The following A2M variants were observed in gnomAD, a reference collection of about 807,000 sequenced individuals.
The protein encoded by A2M is alpha-2-macroglobulin.
A2M carries 128 observed loss-of-function variants against 183.9 expected under a neutral mutation model. That is an observed-to-expected ratio of 0.70 (90% CI 0.60 to 0.81). The LOEUF (loss-of-function observed/expected upper bound fraction) is 0.81, where lower values mean the gene tolerates loss of function less well. Ranked by LOEUF, A2M falls within the 30% of genes least tolerant of loss-of-function variation. The pLI is 0.00. For synonymous variants in A2M, 592 were observed against 670.8 expected, an observed-to-expected ratio of 0.88 and a Z score of 1.81; for missense variants, 1,495 against 1,787.6, an observed-to-expected ratio of 0.84 and a Z score of 2.95.
At chr12:9,083,398 A>C (rs1339770187) in intron 22 of A2M, among the ~76,000 whole-genome samples, 1 of 151,862 alleles carries the variant, frequency 6.6e-6, no homozygotes, top group East Asian at 1.9e-4. Context: ...AAAAAAAAAG[A>C]AATAGAAACA....
At chr12:9,068,131 G>A (rs991739495) in intron 35 of A2M, 52 bp downstream of exon 35, 7 of 1,592,870 alleles carry the variant, frequency 4.4e-6, no homozygotes, top group African/African-American at 1.4e-5. Context: ...AAGGTTTGGG[G>A]GGCAAGCTGA....
intron 7 of A2M, among the ~76,000 whole-genome samples, chr12:9,107,868 TTCC>T (rs1443117557): frequency 6.6e-6 from 1 of 152,158 alleles, no homozygotes; most frequent in Non-Finnish European, 1.5e-5. Context: ...TTTCTTTTTT[TTCC>T]TCGTTTTTTT....
At chr12:9,069,672 T>C in intron 33 of A2M, 73 bp downstream of exon 33, 1 of 1,183,870 alleles carries the variant, frequency 8.4e-7, no homozygotes, top group Non-Finnish European at 1.2e-6. Context: ...CTAAAATGCA[T>C]TTACCTTCCC....
chr12:9,076,548 G>T (rs1385429215), intron 28 of A2M, among the ~76,000 whole-genome samples: 1 of 152,202 alleles, frequency 6.6e-6, no homozygotes, highest in Non-Finnish European at 1.5e-5. Context: ...TCGTAATTGA[G>T]AAGCATCTGC....
Position 9,072,842 on chromosome 12 carries a change from G to A in A2M, c.3786C>T (p.Ser1262=), listed in dbSNP as rs1592329871. 6.2e-7 allele frequency: 1 copy of A among 1,613,900 alleles called. No homozygotes were observed. Among genetic ancestry groups the A allele is most frequent in the Non-Finnish European group, 8.5e-7 (1 of 1,179,942 alleles). Residue 1262 remains serine, a synonymous_variant, in exon 30 of 36, where the codon TCC becomes TCT. Transcript: ENST00000318602. ...TGGTAAATGTGGCTGCTCCATATTTGGACAGAGCATGGAGAGCCACCACTG... is the reference window on the plus strand; with the variant it reads ...TGGTAAATGTGGCTGCTCCATATTTAGACAGAGCATGGAGAGCCACCACTG... ...QDTVVALHAL[S]KYGAATFTRT... is the part of the protein sequence containing the mutation.
intron 1 of A2M, 191 bp downstream of exon 1, chr12:9,115,573 T>G (rs922247614): frequency 7.4e-6 from 4 of 542,738 alleles, no homozygotes; most frequent in African/African-American, 1.9e-5. Flanking sequence ...ATATTAGAGC[T>G]TCAGAGAGTT....
At position 9,101,133 on chromosome 12, in the gene A2M, G is replaced by A. The variant is rs1407873641; in HGVS notation, c.1558+11C>T. ...ATGGGGCAGCAATGCAGAGATGATG[G>A]AAATACTCACTGTCTTCCTGCTTCA... On this transcript the variant is annotated intron_variant, in intron 13 of 35. Transcript: ENST00000318602. 1 of 1,556,548 alleles carries A rather than the reference G, an allele frequency of 6.4e-7. No individual in the cohort carries two copies. Among genetic ancestry groups the A allele is most frequent in the South Asian group, 1.2e-5 (1 of 84,206 alleles).
At chr12:9,109,137 A>G (rs1484077216) in intron 7 of A2M, among the ~76,000 whole-genome samples, 184 bp downstream of exon 7, 1 of 152,212 alleles carries the variant, frequency 6.6e-6, no homozygotes, top group Non-Finnish European at 1.5e-5. Flanking sequence ...AATACTGATA[A>G]GAACGTGAAA....
chr12:9,110,225 T>C (rs1938620331), intron 5 of A2M, 89 bp downstream of exon 5: 4 of 1,206,260 alleles, frequency 3.3e-6, no homozygotes. Context: ...ATGACAAGTT[T>C]CTGAGATATT....
chr12:9,116,197 C>T (rs371770590), upstream of A2M: 9 of 330,726 alleles, frequency 2.7e-5, no homozygotes, highest in East Asian at 1.5e-4. Context: ...CTCCTCACAA[C>T]GCCTTTTATG....
intron 29 of A2M, among the ~76,000 whole-genome samples, chr12:9,074,059 G>A (rs1440757576): frequency 7.0e-6 from 1 of 143,310 alleles, no homozygotes; most frequent in Non-Finnish European, 1.5e-5. Flanking sequence ...CTGCATTCCA[G>A]CCTAGGTGAC....
Position 9,113,507 on chromosome 12 carries a change from AG to A in A2M, c.122del (p.Thr41MetfsTer11). The A allele has an allele frequency of 6.2e-7, 1 of 1,613,846 alleles. No homozygotes were observed. ...GGACACAGCCCTTCTCAGTGGTCTC[AG>A]TGTGGAGCAGGGAGGGGACCAGAAC... Reference protein sequence around the residue: ...YMVLVPSLLHTETTEKGCVLL... With the variant: ...YMVLVPSLLHXETTEKGCVLL... On this transcript the variant is annotated frameshift_variant, in exon 2 of 36. Transcript: ENST00000318602. LOFTEE classifies it high-confidence loss of function.
rs1949464126 is a variant in A2M at position 9,098,761 on chromosome 12, GA to G, written c.1702-6del. 1.2e-6 allele frequency: 2 copies of G among 1,612,006 alleles called. No homozygotes were observed. The highest frequency in any genetic ancestry group is 1.1e-5 in the South Asian group (1 of 90,196). The stretch of plus-strand genomic sequence containing the variant: ...TGGGCTGAAGCTCAAATCCACCTGT[GA>G]AATTGGAACAAAAGGTCAGAAAAGC... On this transcript the variant is annotated splice_region_variant and splice_polypyrimidine_tract_variant and intron_variant, in intron 14 of 35. Transcript: ENST00000318602.
chr12:9,107,685 G>A (rs765593062), intron 7 of A2M, 41 bp from the exon 8 acceptor site: 6 of 1,603,544 alleles, frequency 3.7e-6, no homozygotes, highest in African/African-American at 1.3e-5. Flanking sequence ...AGCAGACACT[G>A]AACCTCCCCA....
At chr12:9,101,301 C>T in intron 12 of A2M, 94 bp from the exon 13 acceptor site, 6 of 1,378,844 alleles carry the variant, frequency 4.4e-6, no homozygotes, top group Non-Finnish European at 6.1e-6. Context: ...TCCCTGCCGG[C>T]AATAATTCAC....
intron 35 of A2M, 90 bp from the exon 36 acceptor site, chr12:9,067,929 C>T: frequency 8.0e-7 from 1 of 1,243,390 alleles, no homozygotes; most frequent in Non-Finnish European, 1.2e-6. Flanking sequence ...TAGCATAGTG[C>T]CCAAGGAAAC....
chr12:9,109,034 T>TTGTGTG (rs34803501), intron 7 of A2M, among the ~76,000 whole-genome samples: 52 of 151,228 alleles, frequency 3.4e-4, no homozygotes, highest in Non-Finnish European at 5.8e-4. Flanking sequence ...CCTTCCCATT[T>TTGTGTG]TGTGTGTGTG....
chr12:9,099,469 G>A lies in A2M; in HGVS notation c.1613C>T (p.Ala538Val), dbSNP rs745421159. The A allele has an allele frequency of 6.2e-7, 1 of 1,609,348 alleles. No homozygotes were observed. The highest frequency in any genetic ancestry group is 8.5e-7 in the Non-Finnish European group (1 of 1,177,946). Reference protein sequence around the residue: ...IPVKSDIAPVARLLIYAVLPT... With the variant: ...IPVKSDIAPVVRLLIYAVLPT... ...TAAAACAGCATAGATGAGCAACCGA[G>A]CGACAGGAGCAATGTCTGACTTCAC... is the stretch of plus-strand genomic sequence containing the variant. Residue 538 changes from alanine (A) to valine (V), a missense_variant, in exon 14 of 36, where the codon GCT becomes GTT. By Grantham distance (64) the Ala-to-Val change is moderately conservative. Transcript: ENST00000318602.
chr12:9,085,495 T>C (rs1005717448), intron 22 of A2M, among the ~76,000 whole-genome samples: 6 of 151,704 alleles, frequency 4.0e-5, no homozygotes, highest in Non-Finnish European at 2.9e-5. Context: ...TAACAAAACA[T>C]AGCATAAAGT....
Sources: allele counts gnomAD v4.1 joint callset (sites outside exome capture counted in the v4.1 genomes callset), GRCh38; gene constraint gnomAD v4.1.1; transcripts MANE v1.5; gene names NCBI Gene and HGNC (gene_info 2026-07-23, HGNC 2026-07-21).